The following TNRC6C variants were observed in gnomAD, a reference collection of about 807,000 sequenced individuals.
TNRC6C encodes the protein trinucleotide repeat-containing gene 6C protein.
A neutral mutation model predicts 153.7 loss-of-function variants in TNRC6C; 20 were observed. That is an observed-to-expected ratio of 0.13 (90% CI 0.09 to 0.19). The LOEUF (loss-of-function observed/expected upper bound fraction) is 0.19. Ranked by LOEUF, TNRC6C falls within the 10% of genes least tolerant of loss-of-function variation. TNRC6C has a pLI of 1.00. For synonymous variants in TNRC6C, 811 were observed against 841.4 expected (o/e 0.96, Z 0.63); for missense variants, 1,987 against 2,172.0 (o/e 0.91, Z 1.69).
At chr17:78,064,503 C>A (rs1016485530) in intron 3 of TNRC6C, among the ~76,000 whole-genome samples, 5 of 152,040 alleles carry the variant, frequency 3.3e-5, no homozygotes, top group African/African-American at 9.7e-5. Context: ...CACAGCGAGT[C>A]CCCATCTCTA....
chr17:77,996,560 C>T (rs1160377003), intron 1 of TNRC6C, among the ~76,000 whole-genome samples: 1 of 152,178 alleles, frequency 6.6e-6, no homozygotes, highest in Non-Finnish European at 1.5e-5. Context: ...ACCCCTTGGT[C>T]AGGGGACGGC....
intron 16 of TNRC6C, chr17:78,097,830 C>G: frequency 1.3e-6 from 2 of 1,550,360 alleles, no homozygotes; most frequent in Non-Finnish European, 1.7e-6. Flanking sequence ...GTAGCTCTTT[C>G]AGCAGCATTG....
Position 78,071,074 on chromosome 17 carries a change from C to CT in TNRC6C, c.2779-8dup. On this transcript the variant is annotated splice_polypyrimidine_tract_variant and intron_variant, in intron 5 of 19. Transcript: ENST00000301624. ...CTCATGGACTTCCCCCTTTCCCACA[C>CT]TTTGTTCAAGGGCATGAAGACGTCT... 6.3e-7 allele frequency: 1 copy of CT among 1,594,758 alleles called. No homozygotes were observed. The highest frequency in any genetic ancestry group is 1.1e-5 in the South Asian group (1 of 87,610).
intron 1 of TNRC6C, among the ~76,000 whole-genome samples, chr17:77,988,513 C>T (rs752291102): frequency 6.6e-6 from 1 of 152,174 alleles, no homozygotes; most frequent in Non-Finnish European, 1.5e-5. Context: ...TGATTCCTCC[C>T]GTTAAAAACT....
chr17:78,025,570 A>G (rs564690728), intron 1 of TNRC6C, among the ~76,000 whole-genome samples: 1 of 152,294 alleles, frequency 6.6e-6, no homozygotes, highest in Non-Finnish European at 1.5e-5. Flanking sequence ...TTTTTGTATG[A>G]ACGTAAAGTT....
chr17:78,058,370 C>A (rs919113432), intron 3 of TNRC6C, among the ~76,000 whole-genome samples: 1 of 152,192 alleles, frequency 6.6e-6, no homozygotes, highest in African/African-American at 2.4e-5. Context: ...CACTTAAAAA[C>A]CAACTTGCAG....
chr17:77,987,168 T>C (rs1324670004), intron 1 of TNRC6C, among the ~76,000 whole-genome samples: 1 of 152,140 alleles, frequency 6.6e-6, no homozygotes, highest in Non-Finnish European at 1.5e-5. Context: ...AGAAGCCCAC[T>C]AAGAACTGAA....
At chr17:78,038,964 A>G (rs1167779794) in intron 2 of TNRC6C, among the ~76,000 whole-genome samples, 1 of 151,942 alleles carries the variant, frequency 6.6e-6, no homozygotes, top group East Asian at 1.9e-4. Flanking sequence ...TCGGAATGTA[A>G]GGAGGCATGT....
rs2073075663 is a variant in TNRC6C at position 78,075,936 on chromosome 17, G to A, written c.3060+658G>A. Among the ~76,000 whole-genome samples, 1 of 152,042 alleles carries A rather than the reference G, an allele frequency of 6.6e-6. No homozygotes were observed. Among genetic ancestry groups the A allele is most frequent in the African/African-American group, 2.4e-5 (1 of 41,424 alleles). ...AAAAAAAGATCAACAATGGAAGGAG[G>A]CTGGGTGCGGTGGCTCACTCCTGTA... On this transcript the variant is annotated intron_variant, in intron 8 of 19. Coordinates refer to ENST00000301624, the Ensembl canonical transcript of TNRC6C. The surrounding 1 kb of genome is among the most constrained non-coding windows in gnomAD (Gnocchi z 4.2).
exon 2 of TNRC6C, chr17:78,031,781 G>T: frequency 8.1e-7 from 1 of 1,232,258 alleles, no homozygotes; most frequent in Non-Finnish European, 1.0e-6. Flanking sequence ...GGCCTGCAGG[G>T]GTAAGCCCAC....
chr17:78,101,665 C>T (rs1034545698), intron 17 of TNRC6C, among the ~76,000 whole-genome samples: 4 of 152,054 alleles, frequency 2.6e-5, no homozygotes, highest in Non-Finnish European at 5.9e-5. Flanking sequence ...GCATTGTTTC[C>T]GTAGATACTA....
At chr17:78,024,993 C>T (rs574003162) in intron 1 of TNRC6C, among the ~76,000 whole-genome samples, 3 of 151,742 alleles carry the variant, frequency 2.0e-5, no homozygotes, top group Non-Finnish European at 4.4e-5. Flanking sequence ...GGGGTTTCAC[C>T]ATGTTAGCCA....
At chr17:77,976,931 GAA>G (rs57726847) in intron 1 of TNRC6C, among the ~76,000 whole-genome samples, 173 of 46,550 alleles carry the variant, frequency 3.7e-3, no homozygotes, top group African/African-American at 5.4e-3. Flanking sequence ...CTCCATCTCA[GAA>G]AAAAAAAAAA....
chr17:77,975,270 A>G (rs2070983029), intron 1 of TNRC6C, among the ~76,000 whole-genome samples: 1 of 152,148 alleles, frequency 6.6e-6, no homozygotes, highest in African/African-American at 2.4e-5. Flanking sequence ...TTTTTTTCTG[A>G]TATACATTAA....
At chr17:78,102,651 T>C (rs943657817) in intron 18 of TNRC6C, 107 bp downstream of exon 21, 3 of 1,195,110 alleles carry the variant, frequency 2.5e-6, no homozygotes, top group Non-Finnish European at 3.5e-6. Flanking sequence ...TGGGGGTTCT[T>C]GGTCAGGGTC....
exon 20 of TNRC6C, chr17:78,107,348 T>G (rs1205227465): frequency 2.0e-5 from 3 of 152,232 alleles, no homozygotes; most frequent in Non-Finnish European, 2.9e-5. Flanking sequence ...TTCGTGGCTC[T>G]TAATGTTTTC....
At chr17:77,991,551 T>C (rs1301247908) in intron 1 of TNRC6C, among the ~76,000 whole-genome samples, 1 of 152,184 alleles carries the variant, frequency 6.6e-6, no homozygotes, top group African/African-American at 2.4e-5. Flanking sequence ...GGAAATAATT[T>C]GCTCTTCAAT....
chr17:78,024,941 G>A (rs981203644), intron 1 of TNRC6C, among the ~76,000 whole-genome samples: 1 of 151,200 alleles, frequency 6.6e-6, no homozygotes, highest in Non-Finnish European at 1.5e-5. Context: ...TTACAGGTGT[G>A]CGCCATGACG....
intron 1 of TNRC6C, among the ~76,000 whole-genome samples, chr17:77,990,879 G>T (rs1000847169): frequency 6.6e-6 from 1 of 152,174 alleles, no homozygotes; most frequent in Non-Finnish European, 1.5e-5. Context: ...TCAGGGGCAC[G>T]CTGTATTTCA....
Sources: allele counts gnomAD v4.1 joint callset (sites outside exome capture counted in the v4.1 genomes callset), GRCh38; gene constraint gnomAD v4.1.1; non-coding constraint Gnocchi (gnomAD v3.1); transcripts MANE v1.5; gene names NCBI Gene and HGNC (gene_info 2026-07-23, HGNC 2026-07-21).